VPS13B: variants seen among roughly 807,000 people sequenced by gnomAD.
The protein encoded by VPS13B is intermembrane lipid transfer protein VPS13B.
In VPS13B, 285 loss-of-function variants were observed where a neutral mutation model predicts 426.4. That is an observed-to-expected ratio of 0.67 (90% CI 0.61 to 0.74). The LOEUF is 0.74. Among genes scored for constraint, VPS13B ranks in the 30% least tolerant of loss-of-function variants. VPS13B has a pLI of 0.00. For synonymous variants in VPS13B, 1,676 were observed against 1,676.4 expected, an observed-to-expected ratio of 1.00 and a Z score of 0.01; for missense variants, 4,537 against 4,782.6, an observed-to-expected ratio of 0.95 and a Z score of 1.51.
At chr8:99,023,825 A>G (rs1842016975) in intron 2 of VPS13B, among the ~76,000 whole-genome samples, 1 of 152,194 alleles carries the variant, frequency 6.6e-6, no homozygotes, top group South Asian at 2.1e-4. Flanking sequence ...ATGGATAGTT[A>G]GGTTGATTCC....
At chr8:99,491,199 T>C (rs1563758378) in intron 25 of VPS13B, among the ~76,000 whole-genome samples, 2 of 152,326 alleles carry the variant, frequency 1.3e-5, no homozygotes, top group East Asian at 1.9e-4. Context: ...TCAGTTTCCA[T>C]GTAGTTGTGT....
At chr8:99,465,431 G>T (rs1472716123) in intron 23 of VPS13B, among the ~76,000 whole-genome samples, 4 of 150,390 alleles carry the variant, frequency 2.7e-5, no homozygotes, top group Admixed American at 1.3e-4. Context: ...TAGGAGTTAG[G>T]GTATGATATG....
intron 19 of VPS13B, among the ~76,000 whole-genome samples, chr8:99,284,439 G>C (rs986558686): frequency 3.9e-5 from 6 of 152,174 alleles, no homozygotes; most frequent in African/African-American, 1.2e-4. Context: ...TGAGGAGTAA[G>C]CATATAAACA....
Position 99,819,577 on chromosome 8 carries a change from T to C in VPS13B, c.8787T>C (p.Ser2929=), listed in dbSNP as rs1588745102. 3.7e-6 allele frequency: 6 copies of C among 1,613,536 alleles called. No individual in the cohort carries two copies. The highest frequency in any genetic ancestry group is 5.1e-6 in the Non-Finnish European group (6 of 1,179,766). ...QPIWPYNKKD[S]DRNEQLSQWD... The stretch of plus-strand genomic sequence containing the variant: ...TATGGCCCTATAATAAGAAGGATTC[T>C]GACAGGTAATATTCTTCAGTGATCT... Residue 2929 remains serine, a synonymous_variant, in exon 48 of 62, where the codon TCT becomes TCC. Transcript: ENST00000357162.
At chr8:99,032,690 G>A (rs184099269) in intron 2 of VPS13B, among the ~76,000 whole-genome samples, 2 of 103,040 alleles carry the variant, frequency 1.9e-5, no homozygotes, top group East Asian at 2.4e-4. Flanking sequence ...CCACCATGTC[G>A]GGCTATTTTT....
chr8:99,242,171 C>T (rs948903863), intron 17 of VPS13B, among the ~76,000 whole-genome samples: 2 of 152,058 alleles, frequency 1.3e-5, no homozygotes, highest in Admixed American at 6.5e-5. Flanking sequence ...TTAGTAGAGA[C>T]AGGGTTTCAC....
chr8:99,146,172 T>C (rs1248781470), intron 13 of VPS13B, among the ~76,000 whole-genome samples: 5 of 152,234 alleles, frequency 3.3e-5, no homozygotes, highest in African/African-American at 1.2e-4. Flanking sequence ...AAAGTTTTAA[T>C]GTTTTTCATT....
rs1462780700 is a variant in VPS13B at position 99,306,045 on chromosome 8, G to A, written c.2824+30791G>A. Among the ~76,000 whole-genome samples, 5 of 152,214 alleles carry A rather than the reference G, an allele frequency of 3.3e-5. No individual in the cohort carries two copies. The South Asian group carries it at 1.0e-3, about 32-fold the overall frequency. The stretch of plus-strand genomic sequence containing the variant: ...TTATCAGATGACTATTAAGACAAAA[G>A]TTTTCGCTTATGTTTGGCGCATTGG... On this transcript the variant is annotated intron_variant, in intron 19 of 61. Coordinates refer to ENST00000357162, the MANE Select transcript of VPS13B (RefSeq NM_152564.5).
intron 2 of VPS13B, among the ~76,000 whole-genome samples, 172 bp downstream of exon 2, chr8:99,014,107 T>TTCC (rs1200626820): frequency 7.1e-6 from 1 of 140,110 alleles, no homozygotes; most frequent in Non-Finnish European, 1.5e-5. Flanking sequence ...TTTTTCTTTC[T>TTCC]TTCTTTTTTT....
chr8:99,845,480 G>A (rs1313241142), intron 54 of VPS13B, among the ~76,000 whole-genome samples: 1 of 152,194 alleles, frequency 6.6e-6, no homozygotes, highest in Non-Finnish European at 1.5e-5. Context: ...CTAGAGAGTT[G>A]GCTGAGGTAT....
intron 38 of VPS13B, 79 bp from the exon 39 acceptor site, chr8:99,720,784 A>G: frequency 7.3e-7 from 1 of 1,368,496 alleles, no homozygotes; most frequent in Non-Finnish European, 1.0e-6. Flanking sequence ...TTATTCTCAT[A>G]ATTTCTTCTT....
intron 25 of VPS13B, among the ~76,000 whole-genome samples, chr8:99,489,951 G>A (rs753990704): frequency 3.9e-5 from 6 of 152,172 alleles, no homozygotes; most frequent in African/African-American, 7.2e-5. Flanking sequence ...TTGATTAGGA[G>A]TGGTGAGAGA....
In VPS13B at chr8:99,096,720, C is replaced by T. The variant is rs571248059; in HGVS notation, c.412+288C>T. Among the ~76,000 whole-genome samples, 10 of 144,670 alleles carry T rather than the reference C, an allele frequency of 6.9e-5. 1 individual carries two copies. Among genetic ancestry groups the T allele is most frequent in the African/African-American group, 2.6e-4 (10 of 38,576 alleles). 94.9% of individuals were successfully genotyped at this position (144,670 alleles called of 152,430 possible). ...ACAGTGAGCCAAGATCATGCTACTG[C>T]ATTCCAGCCTGGGTGACAGAGTGAT... On this transcript the variant is annotated intron_variant, in intron 4 of 61. Transcript: ENST00000357162.
chr8:99,585,103 T>G (rs946580713), intron 33 of VPS13B, among the ~76,000 whole-genome samples: 5 of 152,138 alleles, frequency 3.3e-5, no homozygotes, highest in African/African-American at 9.6e-5. Context: ...AAAAATAGTT[T>G]CAACATGGAG....
In VPS13B at chr8:99,041,890, TAATA is replaced by T. The variant is rs1842982401; in HGVS notation, c.291+3328_291+3331del. On this transcript the variant is annotated intron_variant, in intron 3 of 61. Transcript: ENST00000357162. Reference sequence around the variant, plus strand: ...AAAAACTTCTTCAACCTAAAGAGAGTAATAAATCTGTTTCTAAACCACCTATTCT... The same window carrying T: ...AAAAACTTCTTCAACCTAAAGAGAGTAATCTGTTTCTAAACCACCTATTCT... 2.7e-5 allele frequency among the ~76,000 whole-genome samples: 4 copies of T among 149,986 alleles called. No homozygotes were observed. The South Asian group carries it at 8.5e-4, about 32-fold the overall frequency.
At chr8:99,495,305 A>G (rs1230740212) in intron 25 of VPS13B, among the ~76,000 whole-genome samples, 1 of 152,248 alleles carries the variant, frequency 6.6e-6, no homozygotes, top group Admixed American at 6.5e-5. Context: ...TTTTTATGTA[A>G]ATACGTAAAA....
intron 3 of VPS13B, among the ~76,000 whole-genome samples, chr8:99,064,734 T>G (rs982710289): frequency 2.0e-5 from 3 of 152,112 alleles, no homozygotes; most frequent in Admixed American, 6.5e-5. Context: ...CAGGCCAACA[T>G]TCAAATTCAG....
intron 31 of VPS13B, among the ~76,000 whole-genome samples, chr8:99,568,857 G>C (rs1825325822): frequency 6.6e-6 from 1 of 150,946 alleles, no homozygotes; most frequent in Non-Finnish European, 1.5e-5. Context: ...TATCGCCCAG[G>C]CTGGAGTGCA....
rs769115778 is a variant in VPS13B, at chr8:99,535,951, T to A, written c.4745+14941T>A. Reference sequence around the variant, plus strand: ...AAAATATAAATGATTTTAATCCAAATTTTTTTTTTTTTTTTGAGATGGAGT... The same window carrying A: ...AAAATATAAATGATTTTAATCCAAAATTTTTTTTTTTTTTTGAGATGGAGT... On this transcript the variant is annotated intron_variant, in intron 30 of 61. Coordinates refer to ENST00000357162, the MANE Select transcript of VPS13B (RefSeq NM_152564.5). Among the ~76,000 whole-genome samples the A allele has an allele frequency of 1.7e-3, 231 of 133,756 alleles. 2 individuals are homozygous for A. The highest frequency in any genetic ancestry group is 4.7e-3 in the South Asian group (21 of 4,456). 87.7% of individuals were successfully genotyped at this position (133,756 alleles called of 152,430 possible).
Sources: allele counts gnomAD v4.1 joint callset (sites outside exome capture counted in the v4.1 genomes callset), GRCh38; gene constraint gnomAD v4.1.1; transcripts MANE v1.5; gene names NCBI Gene and HGNC (gene_info 2026-07-23, HGNC 2026-07-21).